The following ST3GAL2 variants were observed in gnomAD, a reference collection of about 807,000 sequenced individuals.
ST3GAL2 encodes CMP-N-acetylneuraminate-beta-galactosamide-alpha-2,3-sialyltransferase 2.
Under a neutral mutation model 37.5 loss-of-function variants are expected in ST3GAL2, and 16 were observed. The observed-to-expected ratio is 0.43, with a 90% CI of 0.29 to 0.65. ST3GAL2 has a LOEUF of 0.65. Among genes scored for constraint, ST3GAL2 ranks in the 30% least tolerant of loss-of-function variants. The pLI, the probability that ST3GAL2 is intolerant of heterozygous loss-of-function variation, is 0.17. For synonymous variants in ST3GAL2, 238 were observed against 202.9 expected, an observed-to-expected ratio of 1.17 and a Z score of -1.47; for missense variants, 383 against 487.8, an observed-to-expected ratio of 0.79 and a Z score of 2.02.
At position 70,379,647 on chromosome 16, in the gene ST3GAL2, G is replaced by C. The variant is rs1027372271; in HGVS notation, c.*2042C>G. 2.0e-5 allele frequency: 3 copies of C among 152,064 alleles called. No homozygotes were observed. The highest frequency in any genetic ancestry group is 7.2e-5 in the African/African-American group (3 of 41,388). 9.4% of individuals were successfully genotyped at this position (152,064 alleles called of 1,614,324 possible). A position where few individuals can be genotyped will look rare whatever the true frequency, so the allele number is the denominator to read the frequency against. On this transcript the variant is annotated 3_prime_UTR_variant, in exon 7 of 7. Transcript: ENST00000342907. The stretch of plus-strand genomic sequence containing the variant: ...TCATGATTTAATTTTTTTGAGACAG[G>C]GTCTTGCTCTGTCGCCCAGGCTGGA...
At chr16:70,434,383 G>C (rs1222181164) in intron 1 of ST3GAL2, among the ~76,000 whole-genome samples, 1 of 149,514 alleles carries the variant, frequency 6.7e-6, no homozygotes, top group East Asian at 2.0e-4. Context: ...GTTGCAGTGA[G>C]CCGAGATCAC....
Position 70,388,375 on chromosome 16 carries a change from C to T in ST3GAL2, c.705G>A (p.Gln235=), listed in dbSNP as rs1332743371. 1.2e-6 allele frequency: 2 copies of T among 1,614,192 alleles called. No homozygotes were observed. The highest frequency in any genetic ancestry group is 3.3e-5 in the Admixed American group (2 of 60,008). ...GCCAGCAAGAAGCTCACAATCGGAT[C>T]TGCCCCGTGGACAAGGCGCTGGCGA... is the stretch of plus-strand genomic sequence containing the variant. ...LWIASALSTG[Q]IRFTYAPVKS... is the part of the protein sequence containing the mutation. Residue 235 remains glutamine (Q), a synonymous_variant, in exon 4 of 7, where the codon CAG becomes CAA. Transcript: ENST00000342907.
At chr16:70,433,209 C>A (rs969734187) in intron 1 of ST3GAL2, among the ~76,000 whole-genome samples, 3 of 152,190 alleles carry the variant, frequency 2.0e-5, no homozygotes, top group African/African-American at 7.2e-5. Flanking sequence ...GCTCTCTAGA[C>A]TCCGTCCCCT....
chr16:70,381,854 C>G lies in ST3GAL2; in HGVS notation c.888G>C (p.Val296=), dbSNP rs1474945961. ...FALHVCDEVN[V]YGFGADSRGN... ...CCCGGCTGTCGGCCCCGAACCCGTA[C>G]ACGTTCACCTGCGGGGAAGCGCAGC... Residue 296 remains valine (V), a synonymous_variant, in exon 7 of 7, where the codon GTG becomes GTC. Coordinates refer to ENST00000342907, the MANE Select transcript of ST3GAL2 (RefSeq NM_006927.4). 4.3e-6 allele frequency: 7 copies of G among 1,613,774 alleles called. No homozygotes were observed. The highest frequency in any genetic ancestry group is 5.9e-6 in the Non-Finnish European group (7 of 1,179,846).
chr16:70,410,377 C>T (rs1597568761), intron 1 of ST3GAL2, among the ~76,000 whole-genome samples: 2 of 150,138 alleles, frequency 1.3e-5, no homozygotes, highest in South Asian at 2.1e-4. Context: ...CAGCCTCCCC[C>T]GTAGCTGGGA....
At chr16:70,405,173 T>C (rs1241405115) in intron 1 of ST3GAL2, among the ~76,000 whole-genome samples, 4 of 152,084 alleles carry the variant, frequency 2.6e-5, no homozygotes, top group Non-Finnish European at 1.5e-5. Context: ...GGGAGTATTA[T>C]TCAGATATAA....
intron 4 of ST3GAL2, among the ~76,000 whole-genome samples, chr16:70,385,760 G>C (rs1303546952): frequency 7.1e-6 from 1 of 141,206 alleles, no homozygotes. Context: ...CTGGAGTGCA[G>C]TGGCGCGATC....
chr16:70,424,135 C>A (rs561758494), intron 1 of ST3GAL2, among the ~76,000 whole-genome samples: 2 of 150,516 alleles, frequency 1.3e-5, no homozygotes, highest in African/African-American at 2.4e-5. Context: ...CACAGGCATG[C>A]GCCATGACGC....
chr16:70,405,915 G>T (rs2047589040), intron 1 of ST3GAL2, among the ~76,000 whole-genome samples: 1 of 151,698 alleles, frequency 6.6e-6, no homozygotes, highest in Admixed American at 6.6e-5. Flanking sequence ...AAAAAAATTA[G>T]CCAGGCATGG....
rs187611641 is a variant in ST3GAL2, at chr16:70,382,280, T to G, written c.880-418A>C. ...ACATACACTCTCCATTCTATTTATGTTTTTTTTTCTTTTCTTTTTCAAGAC... is the reference window on the plus strand; with the variant it reads ...ACATACACTCTCCATTCTATTTATGGTTTTTTTTCTTTTCTTTTTCAAGAC... On this transcript the variant is annotated intron_variant, in intron 6 of 6. Transcript: ENST00000342907. Among the ~76,000 whole-genome samples the G allele has an allele frequency of 1.5e-4, 23 of 150,938 alleles. 2 individuals carry two copies. The highest frequency in any genetic ancestry group is 5.6e-4 in the African/African-American group (23 of 41,100).
intron 1 of ST3GAL2, among the ~76,000 whole-genome samples, chr16:70,419,933 C>T (rs1482788883): frequency 6.6e-6 from 1 of 152,042 alleles, no homozygotes; most frequent in Non-Finnish European, 1.5e-5. Context: ...GGTATGGAGG[C>T]CTACTTTGTA....
chr16:70,432,338 G>A (rs1255967535), intron 1 of ST3GAL2, among the ~76,000 whole-genome samples: 1 of 152,068 alleles, frequency 6.6e-6, no homozygotes, highest in Non-Finnish European at 1.5e-5. Flanking sequence ...GCAGGGATAA[G>A]GCACCCTTCA....
At position 70,380,552 on chromosome 16, in the gene ST3GAL2, A is replaced by G. The variant is rs1215106084; in HGVS notation, c.*1137T>C. On this transcript the variant is annotated 3_prime_UTR_variant, in exon 7 of 7. Transcript: ENST00000342907. ...CGGCCGCGAGCTTCCCAGCCCTTCT[A>G]GAGCGGGAGATGGAGAGCAGGGTGG... 1 of 152,306 alleles carries G rather than the reference A, an allele frequency of 6.6e-6. No homozygotes were observed. The highest frequency in any genetic ancestry group is 6.5e-5 in the Admixed American group (1 of 15,278). The allele number at this position is 152,306 out of a possible 1,614,324, so 9.4% of individuals were successfully genotyped here.
At chr16:70,425,476 A>C (rs11867150) in intron 1 of ST3GAL2, among the ~76,000 whole-genome samples, 5,680 of 152,152 alleles carry the variant, frequency 0.037, 380 homozygotes, top group African/African-American at 0.13. Context: ...CAAAAAAAAA[A>C]CAGTGATATA....
intron 1 of ST3GAL2, among the ~76,000 whole-genome samples, chr16:70,429,504 G>A (rs1294198692): frequency 2.0e-5 from 3 of 148,644 alleles, no homozygotes; most frequent in African/African-American, 7.6e-5. Context: ...CAGGAGAATG[G>A]CATGAACCCG....
intron 1 of ST3GAL2, among the ~76,000 whole-genome samples, chr16:70,436,017 T>C (rs941047733): frequency 6.6e-5 from 10 of 150,578 alleles, no homozygotes; most frequent in African/African-American, 2.4e-4. Context: ...TCCCAGCTAC[T>C]TGGGAGGCTG....
At chr16:70,383,440 T>G (rs1302492296) in intron 4 of ST3GAL2, among the ~76,000 whole-genome samples, 3 of 150,734 alleles carry the variant, frequency 2.0e-5, no homozygotes, top group Admixed American at 2.0e-4. Flanking sequence ...AAAAATTAGC[T>G]GGGTGTGGTG....
chr16:70,400,178 A>C (rs2151664713), intron 1 of ST3GAL2: 1 of 152,424 alleles, frequency 6.6e-6, no homozygotes, highest in South Asian at 2.1e-4. Context: ...TTATGGACAA[A>C]GTGAATGCCA....
In ST3GAL2 at chr16:70,419,871, G is replaced by T. The variant is rs117310386; in HGVS notation, c.-1004+19078C>A. 9.5e-3 allele frequency among the ~76,000 whole-genome samples: 1,442 copies of T among 152,138 alleles called. 12 individuals carry two copies. Among genetic ancestry groups the T allele is most frequent in the Non-Finnish European group, 0.012 (816 of 67,998 alleles). ...GCCAAGCTACCAAGGTGGGGTGTCC[G>T]CCAGAACCACTGGGGCCAGGCAATA... On this transcript the variant is annotated intron_variant, in intron 1 of 6. Coordinates refer to ENST00000342907, the MANE Select transcript of ST3GAL2 (RefSeq NM_006927.4).
Sources: allele counts gnomAD v4.1 joint callset (sites outside exome capture counted in the v4.1 genomes callset), GRCh38; gene constraint gnomAD v4.1.1; transcripts MANE v1.5; gene names NCBI Gene and HGNC (gene_info 2026-07-23, HGNC 2026-07-21).